RNPEPL1: variants seen among roughly 807,000 people sequenced by gnomAD.
RNPEPL1 encodes the protein arginyl aminopeptidase like 1.
In RNPEPL1, 46 loss-of-function variants were observed where a neutral mutation model predicts 69.0. The ratio of observed to expected loss-of-function variants is 0.67; its 90% CI spans 0.53 to 0.85. The LOEUF (loss-of-function observed/expected upper bound fraction) is 0.85, where lower values mean the gene tolerates loss of function less well. Ranked by LOEUF, RNPEPL1 falls within the 40% of genes least tolerant of loss-of-function variation. RNPEPL1 has a pLI of 0.00. For missense variants in RNPEPL1, 869 were observed against 992.5 expected, an observed-to-expected ratio of 0.88 and a Z score of 1.67; for synonymous variants, 525 against 454.1, an observed-to-expected ratio of 1.16 and a Z score of -1.98.
At chr2:240,573,386 C>A in intron 3 of RNPEPL1, 125 bp downstream of exon 3, 1 of 1,196,466 alleles carries the variant, frequency 8.4e-7, no homozygotes, top group Non-Finnish European at 1.1e-6. Context: ...GTGCTCTGGG[C>A]CAGCCCTGCC....
At chr2:240,572,132 T>C (rs758902532) in intron 1 of RNPEPL1, among the ~76,000 whole-genome samples, 1 of 152,254 alleles carries the variant, frequency 6.6e-6, no homozygotes, top group Non-Finnish European at 1.5e-5. Flanking sequence ...GCCTTGGCGT[T>C]AGCTGGGAGA....
At chr2:240,573,030 G>T in intron 2 of RNPEPL1, 80 bp from the exon 3 acceptor site, 1 of 1,442,324 alleles carries the variant, frequency 6.9e-7, no homozygotes, top group Non-Finnish European at 9.2e-7. Flanking sequence ...CGAATATGGG[G>T]CTGCCTGACA....
chr2:240,577,978 C>T lies in RNPEPL1; in HGVS notation c.*86C>T. The T allele has an allele frequency of 1.5e-6, 2 of 1,336,020 alleles. No homozygotes were observed. Among genetic ancestry groups the T allele is most frequent in the Non-Finnish European group, 2.0e-6 (2 of 1,012,548 alleles). The allele number at this position is 1,336,020 out of a possible 1,614,324, so 82.8% of individuals were successfully genotyped here. A position where few individuals can be genotyped will look rare whatever the true frequency, so the allele number is the denominator to read the frequency against. On this transcript the variant is annotated 3_prime_UTR_variant, in exon 11 of 11. Coordinates refer to ENST00000270357, the MANE Select transcript of RNPEPL1 (RefSeq NM_018226.6). ...GGCCTGCCATGACTGCGTCTCGGCT[C>T]TGGCCATGAGCTCTGCCCAGGCCCA...
At chr2:240,573,967 G>T in intron 4 of RNPEPL1, 76 bp downstream of exon 4, 3 of 1,429,674 alleles carry the variant, frequency 2.1e-6, no homozygotes, top group Non-Finnish European at 2.9e-6. Context: ...TGACCCCTGG[G>T]GTGTCCTGTC....
chr2:240,573,905 AC>A lies in RNPEPL1; in HGVS notation c.938+16del, dbSNP rs1446923952. The A allele has an allele frequency of 1.3e-6, 2 of 1,572,650 alleles. No homozygotes were observed. The highest frequency in any genetic ancestry group is 1.7e-6 in the Non-Finnish European group (2 of 1,157,582). The stretch of plus-strand genomic sequence containing the variant: ...CATGTGGGGCAGGTAGGCCCCGGGG[AC>A]CTGTGGACCTGGCTGGCTGGAAGGA... On this transcript the variant is annotated intron_variant, in intron 4 of 10. Transcript: ENST00000270357.
At position 240,573,267 on chromosome 2, in the gene RNPEPL1, G is replaced by A. The variant is rs1559416210; in HGVS notation, c.821+6G>A. 6.4e-6 allele frequency: 10 copies of A among 1,555,618 alleles called. No individual in the cohort carries two copies. The highest frequency in any genetic ancestry group is 4.8e-5 in the East Asian group (2 of 41,708). ...CCGGCAGACATCGGGCCCAGGTAGG[G>A]CCTCCTGCTGGGGCCTTCTGGGGCT... On this transcript the variant is annotated splice_donor_region_variant and intron_variant, in intron 3 of 10. Transcript: ENST00000270357.
At chr2:240,576,297 C>T (rs1201053114) in intron 8 of RNPEPL1, 7 of 582,706 alleles carry the variant, frequency 1.2e-5, no homozygotes, top group South Asian at 4.4e-5. Context: ...GGAGTGGGTG[C>T]GAGTCCCTTG....
At chr2:240,575,433 C>A in intron 7 of RNPEPL1, 69 bp from the exon 8 acceptor site, 1 of 1,349,736 alleles carries the variant, frequency 7.4e-7, no homozygotes, top group Non-Finnish European at 1.1e-6. Context: ...CAGTGCCCTG[C>A]AGGCCTCTGG....
At chr2:240,570,174 C>G (rs1230243536) in intron 1 of RNPEPL1, among the ~76,000 whole-genome samples, 1 of 152,238 alleles carries the variant, frequency 6.6e-6, no homozygotes, top group African/African-American at 2.4e-5. Flanking sequence ...TGGCCTTGAT[C>G]CGTGTTTGGA....
intron 5 of RNPEPL1, 52 bp downstream of exon 5, chr2:240,574,400 A>G (rs1436749405): frequency 1.3e-6 from 2 of 1,565,788 alleles, no homozygotes; most frequent in South Asian, 1.1e-5. Context: ...GCACTGGTCC[A>G]GGGGCAGAGA....
intron 1 of RNPEPL1, among the ~76,000 whole-genome samples, chr2:240,570,961 C>T (rs2093019539): frequency 6.6e-6 from 1 of 152,124 alleles, no homozygotes; most frequent in Non-Finnish European, 1.5e-5. Context: ...TGTGAGTGGG[C>T]AGAGCCTGAG....
Position 240,575,953 on chromosome 2 carries a change from T to A in RNPEPL1, c.1510+343T>A, listed in dbSNP as rs1055965410. 4.0e-5 allele frequency: 14 copies of A among 351,622 alleles called. No individual in the cohort carries two copies. The East Asian group carries it at 7.8e-4, about 20-fold the overall frequency. 21.8% of individuals were successfully genotyped at this position (351,622 alleles called of 1,614,324 possible). A position where few individuals can be genotyped will look rare whatever the true frequency, so the allele number is the denominator to read the frequency against. On this transcript the variant is annotated intron_variant, in intron 8 of 10. Transcript: ENST00000270357. ...AGAACAGCAGCCAGCCCTGTTTATG[T>A]GTCACTTGTAAAGGTGTCCCTGAGG...
At chr2:240,575,347 C>T in intron 7 of RNPEPL1, 155 bp from the exon 8 acceptor site, 1 of 765,396 alleles carries the variant, frequency 1.3e-6, no homozygotes, top group Non-Finnish European at 2.2e-6. Flanking sequence ...CTTGGCAGGG[C>T]CTGCGTGCCA....
chr2:240,569,145 G>A, intron 1 of RNPEPL1, 31 bp downstream of exon 1: 1 of 1,428,998 alleles, frequency 7.0e-7, no homozygotes, highest in Non-Finnish European at 9.1e-7. Context: ...GGGGCTGCGG[G>A]CCGGTCCGCA....
In RNPEPL1 at chr2:240,577,933, A is replaced by G. The variant is rs769040143; in HGVS notation, c.*41A>G. On this transcript the variant is annotated 3_prime_UTR_variant, in exon 11 of 11. Coordinates refer to ENST00000270357, the MANE Select transcript of RNPEPL1 (RefSeq NM_018226.6). ...GACCCTCGACCTCCCAGACACCACA[A>G]TTGTGCCTTCTGTGGGCCAGGCCTG... is the stretch of plus-strand genomic sequence containing the variant. 3.2e-5 allele frequency: 46 copies of G among 1,430,880 alleles called. 1 individual carries two copies. In the South Asian group the frequency reaches 5.0e-4, roughly 15 times the overall value. The allele number at this position is 1,430,880 out of a possible 1,614,324, so 88.6% of individuals were successfully genotyped here. A position where few individuals can be genotyped will look rare whatever the true frequency, so the allele number is the denominator to read the frequency against.
intron 8 of RNPEPL1, chr2:240,576,192 C>T: frequency 2.5e-6 from 1 of 395,048 alleles, no homozygotes; most frequent in Non-Finnish European, 4.6e-6. Context: ...CCTGTTGCCC[C>T]CATCCCGCCC....
intron 3 of RNPEPL1, 97 bp downstream of exon 3, chr2:240,573,358 AC>A: frequency 7.3e-7 from 1 of 1,373,192 alleles, no homozygotes; most frequent in Non-Finnish European, 9.6e-7. Flanking sequence ...CCTGCTGAGG[AC>A]CCCCACTGGC....
intron 8 of RNPEPL1, 25 bp from the exon 9 acceptor site, chr2:240,576,510 C>T (rs773165431): frequency 1.3e-5 from 21 of 1,588,884 alleles, no homozygotes; most frequent in Non-Finnish European, 1.8e-5. Context: ...TGGGCAGGGA[C>T]CCCAGGGTCA....
chr2:240,574,044 G>T, intron 4 of RNPEPL1, 69 bp from the exon 5 acceptor site: 1 of 1,462,508 alleles, frequency 6.8e-7, no homozygotes. Flanking sequence ...GGTGGAAGGT[G>T]GGGTGCGGGT....
Sources: allele counts gnomAD v4.1 joint callset (sites outside exome capture counted in the v4.1 genomes callset), GRCh38; gene constraint gnomAD v4.1.1; transcripts MANE v1.5; gene names NCBI Gene and HGNC (gene_info 2026-07-23, HGNC 2026-07-21).